The following SKAP1 variants were observed in gnomAD, a reference collection of about 807,000 sequenced individuals.
SKAP1 encodes the protein src kinase-associated phosphoprotein 1.
Under a neutral mutation model 58.5 loss-of-function variants are expected in SKAP1, and 44 were observed. The ratio of observed to expected loss-of-function variants is 0.75; its 90% CI spans 0.59 to 0.97. The LOEUF (loss-of-function observed/expected upper bound fraction) is 0.97. Ranked by LOEUF, SKAP1 falls within the 50% of genes least tolerant of loss-of-function variation. The pLI is 0.00. For synonymous variants in SKAP1, 127 were observed against 149.7 expected (o/e 0.85, Z 1.11); for missense variants, 390 against 435.2 (o/e 0.90, Z 0.92).
intron 11 of SKAP1, among the ~76,000 whole-genome samples, chr17:48,144,605 A>G (rs1285790054): frequency 6.6e-6 from 1 of 152,230 alleles, no homozygotes; most frequent in Non-Finnish European, 1.5e-5. Context: ...TAATTATGCT[A>G]ATTTTTATTA....
At chr17:48,434,002 G>A (rs185716465), upstream of SKAP1, among the ~76,000 whole-genome samples, 1 of 152,354 alleles carries the variant, frequency 6.6e-6, no homozygotes, top group East Asian at 1.9e-4. Context: ...GCTCTGCCCT[G>A]GCTGAAATGG....
intron 4 of SKAP1, among the ~76,000 whole-genome samples, chr17:48,305,285 A>T (rs1318068437): frequency 1.3e-5 from 2 of 152,156 alleles, no homozygotes; most frequent in East Asian, 3.8e-4. Flanking sequence ...CCTGTACTCA[A>T]GTGATCCTCC....
At chr17:48,212,569 T>C (rs1036347757) in intron 4 of SKAP1, among the ~76,000 whole-genome samples, 2 of 152,238 alleles carry the variant, frequency 1.3e-5, no homozygotes, top group Non-Finnish European at 2.9e-5. Context: ...TTCTGATCAA[T>C]GAAAAGGTAT....
intron 1 of SKAP1, among the ~76,000 whole-genome samples, chr17:48,398,534 C>G (rs958416310): frequency 2.6e-5 from 4 of 152,170 alleles, no homozygotes; most frequent in South Asian, 2.1e-4. Flanking sequence ...ACCATCCCCC[C>G]ACCCCCGGTC....
chr17:48,348,112 GGTGGATGGCTT>G (rs2066747215), intron 3 of SKAP1, among the ~76,000 whole-genome samples: 1 of 152,098 alleles, frequency 6.6e-6, no homozygotes, highest in South Asian at 2.1e-4. Flanking sequence ...GGCCAAGGCA[GGTGGATGGCTT>G]GAGCCTAGGA....
chr17:48,160,490 TA>T (rs2064054047), intron 11 of SKAP1, among the ~76,000 whole-genome samples: 1 of 151,812 alleles, frequency 6.6e-6, no homozygotes, highest in African/African-American at 2.4e-5. Context: ...TTTTTCTTTT[TA>T]AAGATTGGAT....
intron 2 of SKAP1, among the ~76,000 whole-genome samples, chr17:48,377,696 T>C (rs1459295568): frequency 6.6e-6 from 1 of 152,140 alleles, no homozygotes; most frequent in Non-Finnish European, 1.5e-5. Flanking sequence ...ACAGTTGAAC[T>C]GATGATCCAA....
chr17:48,404,144 A>C (rs2067538826), intron 1 of SKAP1, among the ~76,000 whole-genome samples: 1 of 151,498 alleles, frequency 6.6e-6, no homozygotes, highest in South Asian at 2.1e-4. Flanking sequence ...AAAATTTATA[A>C]AAATATTAAT....
At chr17:48,287,645 T>G (rs1291817611) in intron 4 of SKAP1, among the ~76,000 whole-genome samples, 1 of 152,226 alleles carries the variant, frequency 6.6e-6, no homozygotes, top group African/African-American at 2.4e-5. Context: ...ATTTGCTCTC[T>G]GACTATTAAG....
chr17:48,142,633 C>T (rs2063782688), intron 11 of SKAP1, among the ~76,000 whole-genome samples: 1 of 152,170 alleles, frequency 6.6e-6, no homozygotes, highest in Non-Finnish European at 1.5e-5. Context: ...AGATCAACTA[C>T]CTTTGGAGAC....
At chr17:48,177,427 T>A (rs2064305572) in intron 9 of SKAP1, among the ~76,000 whole-genome samples, 1 of 152,234 alleles carries the variant, frequency 6.6e-6, no homozygotes, top group Admixed American at 6.5e-5. Flanking sequence ...AGACAGCTAC[T>A]ATTGTTTTCC....
chr17:48,409,667 CAA>C (rs35629210), intron 1 of SKAP1, among the ~76,000 whole-genome samples: 52 of 94,574 alleles, frequency 5.5e-4, no homozygotes, highest in East Asian at 6.4e-4. Flanking sequence ...GATCCTGTCT[CAA>C]AAAAAAAAAA....
intron 3 of SKAP1, among the ~76,000 whole-genome samples, chr17:48,353,510 T>C (rs1859486638): frequency 6.6e-6 from 1 of 152,128 alleles, no homozygotes; most frequent in Non-Finnish European, 1.5e-5. Context: ...CATTTTGGGG[T>C]CTACTATGCC....
chr17:48,318,829 T>C (rs766823052), intron 4 of SKAP1, among the ~76,000 whole-genome samples: 81 of 152,190 alleles, frequency 5.3e-4, no homozygotes, highest in Non-Finnish European at 1.1e-3. Context: ...TGCACCACTG[T>C]TTAGCCTGGG....
chr17:48,307,932 G>A (rs181872242), intron 4 of SKAP1: 3 of 152,244 alleles, frequency 2.0e-5, no homozygotes, highest in East Asian at 3.9e-4. Flanking sequence ...CTGGTTTCTA[G>A]CCTCATCTCC....
intron 4 of SKAP1, among the ~76,000 whole-genome samples, chr17:48,201,638 C>T (rs1254383404): frequency 6.6e-6 from 1 of 152,066 alleles, no homozygotes; most frequent in Non-Finnish European, 1.5e-5. Flanking sequence ...TGGTCTCAAG[C>T]AATCTTTCCA....
chr17:48,274,677 CA>C (rs2065677055), intron 4 of SKAP1, among the ~76,000 whole-genome samples: 1 of 150,548 alleles, frequency 6.6e-6, no homozygotes, highest in Non-Finnish European at 1.5e-5. Context: ...GCCCGGGCAA[CA>C]AGAGTGAAAC....
chr17:48,264,381 A>G (rs955743119), intron 4 of SKAP1, among the ~76,000 whole-genome samples: 4 of 152,156 alleles, frequency 2.6e-5, no homozygotes, highest in Non-Finnish European at 5.9e-5. Context: ...AATCCATTTA[A>G]TGAGTTTAAT....
intron 4 of SKAP1, among the ~76,000 whole-genome samples, chr17:48,338,779 C>T (rs1598588057): frequency 6.6e-6 from 1 of 152,112 alleles, no homozygotes; most frequent in African/African-American, 2.4e-5. Flanking sequence ...TTCATGAAAA[C>T]ATGTATAATC....
Sources: allele counts gnomAD v4.1 joint callset (sites outside exome capture counted in the v4.1 genomes callset), GRCh38; gene constraint gnomAD v4.1.1; transcripts MANE v1.5; gene names NCBI Gene and HGNC (gene_info 2026-07-23, HGNC 2026-07-21).